NEK11: variants seen among roughly 807,000 people sequenced by gnomAD.
NEK11 encodes the protein NIMA related kinase 11, also known as serine/threonine-protein kinase Nek11.
NEK11 carries 72 observed loss-of-function variants against 80.7 expected under a neutral mutation model. The observed-to-expected ratio is 0.89, with a 90% CI of 0.74 to 1.08. The LOEUF is 1.08. Among genes scored for constraint, NEK11 ranks in the 50% least tolerant of loss-of-function variants. NEK11 has a pLI of 0.00. For missense variants in NEK11, 764 were observed against 763.6 expected, an observed-to-expected ratio of 1.00 and a Z score of -0.01; for synonymous variants, 251 against 260.7, an observed-to-expected ratio of 0.96 and a Z score of 0.36.
chr3:131,261,611 G>T (rs1005918585), intron 16 of NEK11, among the ~76,000 whole-genome samples: 1 of 152,106 alleles, frequency 6.6e-6, no homozygotes, highest in Non-Finnish European at 1.5e-5. Flanking sequence ...GAGGTGGCCT[G>T]AGCTGGTGAG....
At chr3:131,112,946 G>T (rs1578434970) in intron 5 of NEK11, among the ~76,000 whole-genome samples, 1 of 152,114 alleles carries the variant, frequency 6.6e-6, no homozygotes, top group Non-Finnish European at 1.5e-5. Flanking sequence ...ATATAATATT[G>T]CCAGAGCTTG....
intron 4 of NEK11, among the ~76,000 whole-genome samples, chr3:131,096,989 G>A (rs188295583): frequency 6.7e-6 from 1 of 148,926 alleles, no homozygotes; most frequent in Admixed American, 6.8e-5. Flanking sequence ...TGCGGTGTTT[G>A]GTGTTTTGTC....
intron 3 of NEK11, among the ~76,000 whole-genome samples, chr3:131,037,066 T>G (rs2109472274): frequency 6.6e-6 from 1 of 152,328 alleles, no homozygotes; most frequent in South Asian, 2.1e-4. Context: ...TTCTAGTGCC[T>G]TCTTTGAAGT....
At chr3:131,152,283 T>A in intron 7 of NEK11, 105 bp from the exon 8 acceptor site, 1 of 893,916 alleles carries the variant, frequency 1.1e-6, no homozygotes, top group Middle Eastern at 2.8e-4. Flanking sequence ...GATTGTATGT[T>A]TGTGCCTCAC....
chr3:131,124,405 A>G (rs964175930), intron 5 of NEK11, among the ~76,000 whole-genome samples: 3 of 152,190 alleles, frequency 2.0e-5, no homozygotes, highest in East Asian at 1.9e-4. Context: ...AGTAGAACAG[A>G]TATCCCTGGT....
At position 131,132,771 on chromosome 3, in the gene NEK11, C is replaced by T; in HGVS notation, c.482C>T (p.Ser161Leu). ...ERRILHRDLKSKNVFLKNNLL... is the reference protein window; with the variant it reads ...ERRILHRDLKLKNVFLKNNLL... ...AGGATACTTCATCGAGACTTAAAGT[C>T]AAAGAATGTATTTCTGAAAAATAAT... Residue 161 changes from serine to leucine, a missense_variant, in exon 6 of 18, where the codon TCA becomes TTA. Physicochemically the swap from Ser to Leu is moderately radical, Grantham distance 145. Coordinates refer to ENST00000383366, the MANE Select transcript of NEK11 (RefSeq NM_024800.5). The T allele has an allele frequency of 6.5e-7, 1 of 1,532,428 alleles. No individual in the cohort carries two copies. The highest frequency in any genetic ancestry group is 8.9e-7 in the Non-Finnish European group (1 of 1,125,858). The allele number at this position is 1,532,428 out of a possible 1,614,324, so 94.9% of individuals were successfully genotyped here.
At chr3:131,239,376 T>A (rs942675776) in intron 15 of NEK11, among the ~76,000 whole-genome samples, 1 of 152,194 alleles carries the variant, frequency 6.6e-6, no homozygotes, top group Non-Finnish European at 1.5e-5. Flanking sequence ...CGTACTCTAC[T>A]CTATATATAC....
rs2092658027 is a variant in NEK11 at position 131,171,044 on chromosome 3, G to A, written c.1399+157G>A. The A allele has an allele frequency of 1.1e-5, 7 of 662,008 alleles. No homozygotes were observed. In the South Asian group the frequency reaches 1.2e-4, roughly 11 times the overall value. The allele number at this position is 662,008 out of a possible 1,614,324, so 41.0% of individuals were successfully genotyped here. A position where few individuals can be genotyped will look rare whatever the true frequency, so the allele number is the denominator to read the frequency against. On this transcript the variant is annotated intron_variant, in intron 14 of 17. Transcript: ENST00000383366. The stretch of plus-strand genomic sequence containing the variant: ...GGCTGGGCTATGACCAGGATGAAAA[G>A]TAGAGAAGCCAAGGATTTTTCTGTC...
chr3:131,154,258 T>C (rs2718873), intron 9 of NEK11, among the ~76,000 whole-genome samples: 123,984 of 151,894 alleles, frequency 0.82, 50,694 homozygotes, highest in East Asian at 0.86. Context: ...CAAAAACACA[T>C]TGAAGAGGCT....
intron 14 of NEK11, among the ~76,000 whole-genome samples, chr3:131,174,607 C>T (rs145315950): frequency 6.6e-6 from 1 of 152,256 alleles, no homozygotes; most frequent in African/African-American, 2.4e-5. Context: ...TAGTGAAAGT[C>T]ATGGGTAACC....
At chr3:131,091,844 G>A (rs1293774412) in intron 4 of NEK11, among the ~76,000 whole-genome samples, 4 of 152,156 alleles carry the variant, frequency 2.6e-5, no homozygotes, top group Non-Finnish European at 5.9e-5. Context: ...GAAGGAGTTC[G>A]GAGAGCTCTT....
rs1276762596 is a variant in NEK11 at position 131,268,837 on chromosome 3, G to A, written c.1622-4641G>A. ...TGCTCTCTTCAGAGCCAGCAGGCAG[G>A]GACGTTTAAGTCTGCTGAAGCTGTG... On this transcript the variant is annotated intron_variant, in intron 16 of 17. Coordinates refer to ENST00000383366, the MANE Select transcript of NEK11 (RefSeq NM_024800.5). Among the ~76,000 whole-genome samples the A allele has an allele frequency of 4.5e-4, 68 of 152,234 alleles. 1 individual carries two copies. The highest frequency in any genetic ancestry group is 7.3e-5 in the Non-Finnish European group (5 of 68,046).
chr3:131,050,540 G>A (rs956302664), intron 3 of NEK11, among the ~76,000 whole-genome samples: 5 of 152,150 alleles, frequency 3.3e-5, no homozygotes, highest in Non-Finnish European at 5.9e-5. Context: ...GGTAGACAAG[G>A]ACATAAAACT....
At chr3:131,060,839 C>T (rs774167346) in intron 3 of NEK11, among the ~76,000 whole-genome samples, 6 of 152,122 alleles carry the variant, frequency 3.9e-5, no homozygotes, top group Non-Finnish European at 7.4e-5. Flanking sequence ...TCTAGCTTTC[C>T]TAGTATGTAG....
intron 15 of NEK11, among the ~76,000 whole-genome samples, chr3:131,231,377 A>G (rs1042421019): frequency 2.0e-5 from 3 of 149,616 alleles, no homozygotes; most frequent in African/African-American, 4.9e-5. Context: ...CATCAGTCAC[A>G]TTCTCAAGTC....
intron 14 of NEK11, among the ~76,000 whole-genome samples, chr3:131,190,945 C>T (rs1019945676): frequency 6.6e-6 from 1 of 151,984 alleles, no homozygotes; most frequent in East Asian, 1.9e-4. Flanking sequence ...TCTTTAACAG[C>T]AGGAAATCAA....
chr3:131,200,240 C>G (rs1202224301), intron 14 of NEK11, among the ~76,000 whole-genome samples: 1 of 152,120 alleles, frequency 6.6e-6, no homozygotes, highest in Admixed American at 6.5e-5. Flanking sequence ...ACCTGTAATT[C>G]ATAGAGTAAA....
chr3:131,274,888 C>T (rs368591687), intron 17 of NEK11, among the ~76,000 whole-genome samples: 93 of 151,900 alleles, frequency 6.1e-4, no homozygotes, highest in African/African-American at 2.0e-3. Context: ...CTCCTGACCT[C>T]GTGATCCACC....
chr3:131,267,180 C>G (rs1237545855), intron 16 of NEK11, among the ~76,000 whole-genome samples: 2 of 152,122 alleles, frequency 1.3e-5, no homozygotes, highest in African/African-American at 4.8e-5. Flanking sequence ...GGCATTTAGC[C>G]CATTGACATT....
Sources: allele counts gnomAD v4.1 joint callset (sites outside exome capture counted in the v4.1 genomes callset), GRCh38; gene constraint gnomAD v4.1.1; transcripts MANE v1.5; gene names NCBI Gene and HGNC (gene_info 2026-07-23, HGNC 2026-07-21).